The following USH2A variants were observed in gnomAD, a reference collection of about 807,000 sequenced individuals.
USH2A encodes the protein usherin.
USH2A carries 443 observed loss-of-function variants against 538.9 expected under a neutral mutation model. That is an observed-to-expected ratio of 0.82 (90% CI 0.76 to 0.89). The LOEUF (loss-of-function observed/expected upper bound fraction) is 0.89, where lower values mean the gene tolerates loss of function less well. USH2A is among the 40% of genes least tolerant of loss of function. The probability of loss-of-function intolerance (pLI) is 0.00; values close to 1 mark genes in which losing one functional copy is unlikely to be tolerated. For missense variants in USH2A, 6,633 were observed against 6,324.8 expected (o/e 1.05, Z -1.65); for synonymous variants, 2,413 against 2,273.5 (o/e 1.06, Z -1.75).
chr1:216,219,476 C>T (rs1314452679), intron 14 of USH2A, among the ~76,000 whole-genome samples: 1 of 152,056 alleles, frequency 6.6e-6, no homozygotes, highest in Non-Finnish European at 1.5e-5. Context: ...GACTCTTTAG[C>T]AAATAAGCTA....
intron 41 of USH2A, among the ~76,000 whole-genome samples, chr1:215,882,375 C>G (rs762495964): frequency 2.0e-4 from 30 of 152,092 alleles, no homozygotes; most frequent in Non-Finnish European, 4.0e-4. Context: ...ATGATGGACT[C>G]CCCTGAAAAA....
intron 41 of USH2A, among the ~76,000 whole-genome samples, chr1:215,884,503 C>G (rs944358626): frequency 1.3e-5 from 2 of 152,158 alleles, no homozygotes; most frequent in African/African-American, 4.8e-5. Flanking sequence ...TACTTAATCC[C>G]TCATTCTCAG....
At chr1:215,930,704 T>G (rs998950146) in intron 38 of USH2A, among the ~76,000 whole-genome samples, 1 of 151,982 alleles carries the variant, frequency 6.6e-6, no homozygotes, top group African/African-American at 2.4e-5. Flanking sequence ...ATCACCAATG[T>G]CAACCACTTA....
At chr1:215,700,470 T>C (rs1658971877) in intron 61 of USH2A, among the ~76,000 whole-genome samples, 1 of 152,224 alleles carries the variant, frequency 6.6e-6, no homozygotes, top group Non-Finnish European at 1.5e-5. Context: ...TATTAATTAC[T>C]GCCTCAATTT....
chr1:216,338,553 T>G (rs753098579), intron 4 of USH2A, among the ~76,000 whole-genome samples: 1 of 151,546 alleles, frequency 6.6e-6, no homozygotes, highest in Non-Finnish European at 1.5e-5. Context: ...GTAACTGATA[T>G]ATTCGCCAAT....
chr1:216,321,997 C>T (rs2037623337), intron 8 of USH2A, 21 bp from the exon 9 acceptor site: 1 of 1,612,090 alleles, frequency 6.2e-7, no homozygotes, highest in Non-Finnish European at 8.5e-7. Flanking sequence ...GAGCATCACA[C>T]ACTCCTAAGG....
intron 52 of USH2A, among the ~76,000 whole-genome samples, chr1:215,784,695 T>G (rs1661743910): frequency 3.9e-5 from 6 of 152,224 alleles, no homozygotes. Context: ...TCAATGGAAT[T>G]ATCATAGCAC....
chr1:216,394,812 G>A (rs1187612061), intron 3 of USH2A, among the ~76,000 whole-genome samples: 2 of 142,812 alleles, frequency 1.4e-5, no homozygotes, highest in Non-Finnish European at 3.0e-5. Context: ...TCCGCCTCCC[G>A]GGTTCACGCC....
chr1:216,013,161 C>A (rs990753534), intron 32 of USH2A, among the ~76,000 whole-genome samples: 8 of 152,060 alleles, frequency 5.3e-5, no homozygotes, highest in Non-Finnish European at 1.0e-4. Context: ...ACCTGTTTTT[C>A]TCCTTCTCTT....
At chr1:216,244,429 C>T (rs696720) in intron 13 of USH2A, among the ~76,000 whole-genome samples, 95,690 of 151,896 alleles carry the variant, frequency 0.63, 30,537 homozygotes, top group East Asian at 0.71. Context: ...AATGACATAA[C>T]GAATTAAGTG....
Position 216,084,745 on chromosome 1 carries a change from T to C in USH2A, c.5120A>G (p.Glu1707Gly), listed in dbSNP as rs2032069724. The C allele has an allele frequency of 6.2e-7, 1 of 1,613,426 alleles. No individual in the cohort carries two copies. Among genetic ancestry groups the C allele is most frequent in the Non-Finnish European group, 8.5e-7 (1 of 1,179,634 alleles). ...EEQINVYNSW[E>G]GCPASLNEGA... ...CTCATTTAATGAAGCGGGACATCCC[T>C]CCCAGCTGTTATACACGTTGATTTG... Residue 1707 changes from glutamate (E) to glycine (G), a missense_variant, in exon 25 of 72, where the codon GAG becomes GGG. Glu to Gly is a moderately conservative substitution (Grantham distance 98, BLOSUM62 -2). Transcript: ENST00000307340.
chr1:215,684,816 ACCAAGTCACGGGGTTC>A (rs1308931037), intron 61 of USH2A, among the ~76,000 whole-genome samples: 2 of 152,084 alleles, frequency 1.3e-5, no homozygotes, highest in Non-Finnish European at 2.9e-5. Flanking sequence ...CTGCATCCCA[ACCAAGTCACGGGGTTC>A]CCTTGCCTCC....
chr1:215,899,794 G>A (rs531844837), intron 40 of USH2A, among the ~76,000 whole-genome samples: 18 of 152,176 alleles, frequency 1.2e-4, no homozygotes, highest in South Asian at 2.1e-4. Context: ...CTTGCAGGGC[G>A]CTAAGATGTA....
intron 47 of USH2A, among the ~76,000 whole-genome samples, chr1:215,830,767 C>T (rs11120653): frequency 0.4 from 60,334 of 152,012 alleles, 12,345 homozygotes; most frequent in Admixed American, 0.52. Flanking sequence ...CATAATTCTA[C>T]AGCCAAATCC....
intron 61 of USH2A, among the ~76,000 whole-genome samples, chr1:215,707,720 G>T (rs1184110241): frequency 1.3e-5 from 2 of 152,142 alleles, no homozygotes; most frequent in African/African-American, 4.8e-5. Flanking sequence ...GGCACTAAAT[G>T]GAAAGGAATA....
intron 34 of USH2A, among the ~76,000 whole-genome samples, chr1:215,998,447 C>T (rs1313317945): frequency 6.6e-6 from 1 of 151,984 alleles, no homozygotes; most frequent in Non-Finnish European, 1.5e-5. Flanking sequence ...AATGTAATAA[C>T]AATCAAGAAT....
chr1:216,084,996 C>T, intron 24 of USH2A, 119 bp from the exon 25 acceptor site: 2 of 916,126 alleles, frequency 2.2e-6, no homozygotes, highest in South Asian at 1.4e-5. Context: ...CTATTTACTG[C>T]AAGCCTCTTA....
chr1:215,659,524 C>T (rs1657376382), intron 64 of USH2A, among the ~76,000 whole-genome samples: 1 of 152,170 alleles, frequency 6.6e-6, no homozygotes, highest in Admixed American at 6.5e-5. Context: ...ATGCTGGATA[C>T]TGAACACCTT....
intron 21 of USH2A, among the ~76,000 whole-genome samples, chr1:216,141,585 G>C (rs548879296): frequency 6.6e-6 from 1 of 152,124 alleles, no homozygotes; most frequent in African/African-American, 2.4e-5. Flanking sequence ...GTAACATTTT[G>C]GCATCAGCTA....
Sources: gnomAD v4.1 joint callset for allele counts (sites outside exome capture counted in the v4.1 genomes callset) on GRCh38, gnomAD v4.1.1 for gene constraint, MANE v1.5 for transcripts, NCBI Gene and HGNC (gene_info 2026-07-23, HGNC 2026-07-21) for gene names.